The following CNTN4 variants were observed in gnomAD, a reference collection of about 807,000 sequenced individuals.
CNTN4 encodes the protein contactin-4.
In CNTN4, 77 loss-of-function variants were observed where a neutral mutation model predicts 122.5. That is an observed-to-expected ratio of 0.63 (90% confidence interval 0.52 to 0.76). CNTN4 has a LOEUF of 0.76. Ranked by LOEUF, CNTN4 falls within the 30% of genes least tolerant of loss-of-function variation. CNTN4 has a pLI of 0.00. For missense variants in CNTN4, 1,256 were observed against 1,259.1 expected (o/e 1.00, Z 0.04); for synonymous variants, 512 against 447.0 (o/e 1.15, Z -1.83).
chr3:2,258,487 A>G (rs1300614747), intron 2 of CNTN4, among the ~76,000 whole-genome samples: 1 of 152,140 alleles, frequency 6.6e-6, no homozygotes, highest in East Asian at 1.9e-4. Context: ...GTACATCTAG[A>G]TAGTTGTTGG....
At chr3:2,376,147 C>A (rs561919946) in intron 3 of CNTN4, among the ~76,000 whole-genome samples, 6 of 151,952 alleles carry the variant, frequency 3.9e-5, no homozygotes, top group African/African-American at 1.2e-4. Context: ...GTCATGTAGC[C>A]CCAGGATTAT....
At chr3:2,720,412 C>T (rs2087772043) in intron 4 of CNTN4, among the ~76,000 whole-genome samples, 1 of 152,158 alleles carries the variant, frequency 6.6e-6, no homozygotes, top group South Asian at 2.1e-4. Context: ...ATAACTCGTT[C>T]AGAGACCTGG....
intron 17 of CNTN4, among the ~76,000 whole-genome samples, chr3:3,036,562 A>G (rs978384992): frequency 1.3e-5 from 2 of 151,990 alleles, no homozygotes; most frequent in African/African-American, 4.8e-5. Flanking sequence ...CAGGAGTTTG[A>G]GAGCAGTCTG....
intron 2 of CNTN4, among the ~76,000 whole-genome samples, chr3:2,246,345 T>G (rs1234407356): frequency 6.6e-6 from 1 of 152,000 alleles, no homozygotes; most frequent in Admixed American, 6.6e-5. Context: ...GTGGGGATAA[T>G]AAGGAAAGCA....
chr3:2,951,706 C>G lies in CNTN4; in HGVS notation c.1358+25927C>G, dbSNP rs149160853. ...CGTTCATATGTGTATATCAGAAAAA[C>G]AAAGGTGGCTCATCTCTCCACAGTA... On this transcript the variant is annotated intron_variant, in intron 13 of 24. Transcript: ENST00000418658. Among the ~76,000 whole-genome samples, 52 of 152,272 alleles carry G rather than the reference C, an allele frequency of 3.4e-4. 1 individual carries two copies. The East Asian group carries it at 0.01, about 29-fold the overall frequency.
chr3:2,556,590 G>T (rs1683367297), intron 3 of CNTN4, among the ~76,000 whole-genome samples: 1 of 151,838 alleles, frequency 6.6e-6, no homozygotes, highest in Non-Finnish European at 1.5e-5. Flanking sequence ...CTCGGCCCTG[G>T]TAAGTTTTAT....
chr3:2,454,872 A>C (rs1340174699), intron 3 of CNTN4, among the ~76,000 whole-genome samples: 1 of 152,192 alleles, frequency 6.6e-6, no homozygotes, highest in African/African-American at 2.4e-5. Context: ...TGAGATGAAA[A>C]TATAGCTGTT....
In CNTN4 at chr3:2,620,454, C is replaced by T. The variant is rs185480267; in HGVS notation, c.55+48896C>T. Among the ~76,000 whole-genome samples, 4 of 152,142 alleles carry T rather than the reference C, an allele frequency of 2.6e-5. No individual in the cohort carries two copies. In the East Asian group the frequency reaches 7.7e-4, roughly 29 times the overall value. ...GGTTGAGGCTGCAGTCAGCCATGAT[C>T]GTGCCACTGTGCTCCAGCCTGGGGA... On this transcript the variant is annotated intron_variant, in intron 4 of 24. Coordinates refer to ENST00000418658, the MANE Select transcript of CNTN4 (RefSeq NM_175607.3).
At position 2,599,424 on chromosome 3, in the gene CNTN4, C is replaced by T. The variant is rs116241059; in HGVS notation, c.55+27866C>T. On this transcript the variant is annotated intron_variant, in intron 4 of 24. Coordinates refer to ENST00000418658, the MANE Select transcript of CNTN4 (RefSeq NM_175607.3). ...CCTTGGGGATTTATTTTTCACAGGG[C>T]CTAAATGTGTGGACCTTTTATTCTG... Among the ~76,000 whole-genome samples, 655 of 152,262 alleles carry T rather than the reference C, an allele frequency of 4.3e-3. 5 individuals carry two copies. The highest frequency in any genetic ancestry group is 0.015 in the African/African-American group (629 of 41,546).
Position 2,437,845 on chromosome 3 carries a change from C to G in CNTN4, c.-89+98612C>G, listed in dbSNP as rs79697077. ...GCACATGGTGAGCTGAGGGAGAGTT[C>G]GTGTAGATGTCTGGGGGTAATGGCT... is the stretch of plus-strand genomic sequence containing the variant. On this transcript the variant is annotated intron_variant, in intron 3 of 24. Transcript: ENST00000418658. 3.9e-3 allele frequency among the ~76,000 whole-genome samples: 598 copies of G among 152,242 alleles called. 4 individuals are homozygous for G. The highest frequency in any genetic ancestry group is 0.014 in the African/African-American group (584 of 41,540).
At chr3:2,993,674 G>A (rs1695254484) in intron 14 of CNTN4, among the ~76,000 whole-genome samples, 1 of 151,732 alleles carries the variant, frequency 6.6e-6, no homozygotes, top group Non-Finnish European at 1.5e-5. Context: ...ATATTTACTA[G>A]TAAGTCCTTC....
At position 2,745,699 on chromosome 3, in the gene CNTN4, T is replaced by G; in HGVS notation, c.358+2T>G. ...GAGAAGCAAAGCTTCAGTTTGCTTG[T>G]AAGTAGCAATTATACAATGCTGCAA... is the stretch of plus-strand genomic sequence containing the variant. On this transcript the variant is annotated splice_donor_variant, in intron 6 of 24. Transcript: ENST00000418658. LOFTEE classifies it high-confidence loss of function. The G allele has an allele frequency of 6.2e-7, 1 of 1,613,908 alleles. No homozygotes were observed. The highest frequency in any genetic ancestry group is 8.5e-7 in the Non-Finnish European group (1 of 1,179,766).
At chr3:2,950,187 G>A (rs2094724131) in intron 13 of CNTN4, among the ~76,000 whole-genome samples, 1 of 152,228 alleles carries the variant, frequency 6.6e-6, no homozygotes, top group Non-Finnish European at 1.5e-5. Context: ...TTCCTCGAAG[G>A]GTAGCTAGCA....
chr3:2,540,143 G>A (rs1313586003), intron 3 of CNTN4, among the ~76,000 whole-genome samples: 1 of 151,864 alleles, frequency 6.6e-6, no homozygotes, highest in Admixed American at 6.6e-5. Context: ...ATAAAAAATT[G>A]GGGTTGTAAG....
At chr3:2,607,315 A>G (rs755682011) in intron 4 of CNTN4, among the ~76,000 whole-genome samples, 14 of 152,208 alleles carry the variant, frequency 9.2e-5, no homozygotes, top group Non-Finnish European at 1.5e-4. Context: ...GCAGGTGCAT[A>G]TACACAAGAA....
intron 4 of CNTN4, among the ~76,000 whole-genome samples, chr3:2,692,048 A>G (rs2085768360): frequency 6.6e-6 from 1 of 152,080 alleles, no homozygotes; most frequent in African/African-American, 2.4e-5. Flanking sequence ...AGCAGTATGC[A>G]ATCCACTTGA....
intron 3 of CNTN4, among the ~76,000 whole-genome samples, chr3:2,430,143 G>C (rs1237569106): frequency 6.6e-6 from 1 of 152,056 alleles, no homozygotes; most frequent in African/African-American, 2.4e-5. Flanking sequence ...GCAGAAATTG[G>C]CCGGGCTCAG....
chr3:2,638,662 G>T (rs2082770674), intron 4 of CNTN4, among the ~76,000 whole-genome samples: 2 of 152,010 alleles, frequency 1.3e-5, no homozygotes, highest in South Asian at 4.2e-4. Flanking sequence ...AAACCATTTA[G>T]CTAGACATAT....
intron 17 of CNTN4, among the ~76,000 whole-genome samples, chr3:3,034,998 A>T (rs1307025151): frequency 6.6e-6 from 1 of 152,116 alleles, no homozygotes; most frequent in Non-Finnish European, 1.5e-5. Flanking sequence ...CATCCTAAGC[A>T]ATAGTATCTG....
Sources: allele counts gnomAD v4.1 joint callset (sites outside exome capture counted in the v4.1 genomes callset), GRCh38; gene constraint gnomAD v4.1.1; transcripts MANE v1.5; gene names NCBI Gene and HGNC (gene_info 2026-07-23, HGNC 2026-07-21).